The following TAX1BP3 variants were observed in gnomAD, a reference collection of about 807,000 sequenced individuals.
TAX1BP3 encodes Tax1 binding protein 3.
TAX1BP3 carries 13 observed loss-of-function variants against 15.3 expected under a neutral mutation model. That is an observed-to-expected ratio of 0.85 (90% CI 0.55 to 1.35). The LOEUF is 1.35. Among genes scored for constraint, TAX1BP3 ranks in the 40% most tolerant of loss-of-function variants. The pLI is 0.00. For synonymous variants in TAX1BP3, 70 were observed against 66.0 expected (o/e 1.06, Z -0.30); for missense variants, 147 against 169.6 (o/e 0.87, Z 0.74).
At chr17:3,664,413 T>C in intron 2 of TAX1BP3, 141 bp from the exon 3 acceptor site, 2 of 1,100,544 alleles carry the variant, frequency 1.8e-6, no homozygotes, top group Non-Finnish European at 2.7e-6. Flanking sequence ...CAGTGAGGAC[T>C]GTTCTGAGAG....
At chr17:3,664,922 C>A in intron 1 of TAX1BP3, 124 bp from the exon 2 acceptor site, 1 of 1,393,150 alleles carries the variant, frequency 7.2e-7, no homozygotes, top group South Asian at 1.4e-5. Context: ...AGGAATCCAG[C>A]TGCTCACCAG....
At chr17:3,667,253 G>T (rs1257643200) in intron 1 of TAX1BP3, among the ~76,000 whole-genome samples, 2 of 149,958 alleles carry the variant, frequency 1.3e-5, no homozygotes, top group Non-Finnish European at 2.9e-5. Context: ...TGAGGCAGGA[G>T]AATCGCTTGA....
rs890345691 is a variant in TAX1BP3 at position 3,663,551 on chromosome 17, A to C, written c.*197T>G. On this transcript the variant is annotated 3_prime_UTR_variant, in exon 4 of 4. Transcript: ENST00000225525. ...CCCTTATTTCCAATCCTCGGTGTCC[A>C]GGAGAGAAAGCCGGTCCCAGAGGCC... 5.6e-6 allele frequency: 4 copies of C among 720,020 alleles called. No individual in the cohort carries two copies. The highest frequency in any genetic ancestry group is 5.4e-5 in the African/African-American group (3 of 55,708). 44.6% of individuals were successfully genotyped at this position (720,020 alleles called of 1,614,324 possible).
chr17:3,665,482 G>A (rs2076330015), intron 1 of TAX1BP3: 1 of 1,374,858 alleles, frequency 7.3e-7, no homozygotes, highest in East Asian at 2.3e-5. Flanking sequence ...CTTGCCAAGA[G>A]AATTAATGTG....
intron 1 of TAX1BP3, among the ~76,000 whole-genome samples, chr17:3,666,931 G>A (rs1316657212): frequency 6.6e-6 from 1 of 152,200 alleles, no homozygotes; most frequent in Non-Finnish European, 1.5e-5. Flanking sequence ...GGCTGTCACT[G>A]ATTTGCTGGG....
At chr17:3,665,409 G>A (rs2076329280) in intron 1 of TAX1BP3, 1 of 1,462,948 alleles carries the variant, frequency 6.8e-7, no homozygotes, top group East Asian at 2.3e-5. Flanking sequence ...AACTGGAAGA[G>A]TCTACAATGT....
At chr17:3,666,682 G>T (rs1285693134) in intron 1 of TAX1BP3, among the ~76,000 whole-genome samples, 1 of 152,174 alleles carries the variant, frequency 6.6e-6, no homozygotes, top group South Asian at 2.1e-4. Flanking sequence ...CCCAATCCAA[G>T]ACTCGAGGGA....
intron 2 of TAX1BP3, 117 bp from the exon 3 acceptor site, chr17:3,664,389 C>A: frequency 8.1e-7 from 1 of 1,233,244 alleles, no homozygotes; most frequent in Non-Finnish European, 1.2e-6. Context: ...CCAGCCTCTC[C>A]CAGCACATAT....
At position 3,664,523 on chromosome 17, in the gene TAX1BP3, C is replaced by T. The variant is rs755477814; in HGVS notation, c.159+156G>A. 1.9e-5 allele frequency: 22 copies of T among 1,142,472 alleles called. No homozygotes were observed. In the East Asian group the frequency reaches 4.6e-4, roughly 24 times the overall value. 70.8% of individuals were successfully genotyped at this position (1,142,472 alleles called of 1,614,324 possible). A position where few individuals can be genotyped will look rare whatever the true frequency, so the allele number is the denominator to read the frequency against. ...CTGAGCAGCCCTTCCTCACCCCACCCGTCCTTATTCTCACTAGGTCACTTC... is the reference window on the plus strand; with the variant it reads ...CTGAGCAGCCCTTCCTCACCCCACCTGTCCTTATTCTCACTAGGTCACTTC... On this transcript the variant is annotated intron_variant, in intron 2 of 3. Transcript: ENST00000225525.
chr17:3,668,512 C>A lies in TAX1BP3; in HGVS notation c.15G>T (p.Pro5=). 6.2e-7 allele frequency: 1 copy of A among 1,608,990 alleles called. No homozygotes were observed. Among genetic ancestry groups the A allele is most frequent in the Middle Eastern group, 1.7e-4 (1 of 5,988 alleles). The change falls in exon 1 of 4, where the codon CCG becomes CCT. Residue 5 remains proline, a synonymous_variant. Transcript: ENST00000225525. This position sits in a 1 kb window ranked among gnomAD's most constrained non-coding sequence, Gnocchi z 4.1. The part of the protein sequence containing the change: MSYI[P]GQPVTAVVQR... ...CCACCACGGCGGTGACCGGCTGGCC[C>A]GGGATGTAGGACATCTCGACCCTGC... is the stretch of plus-strand genomic sequence containing the variant.
chr17:3,664,848 G>T, intron 1 of TAX1BP3, 50 bp from the exon 2 acceptor site: 1 of 1,590,670 alleles, frequency 6.3e-7, no homozygotes, highest in Non-Finnish European at 8.6e-7. Context: ...GGAGAATTAG[G>T]CTGGTGGGTG....
At chr17:3,664,044 A>G in intron 3 of TAX1BP3, 151 bp downstream of exon 3, 1 of 1,417,444 alleles carries the variant, frequency 7.1e-7, no homozygotes, top group Non-Finnish European at 9.6e-7. Context: ...CAGGAGAGAA[A>G]GCCAGCGTCC....
chr17:3,668,400 C>G lies in TAX1BP3; in HGVS notation c.39+88G>C. On this transcript the variant is annotated intron_variant, in intron 1 of 3. Transcript: ENST00000225525. This position sits in a 1 kb window ranked among gnomAD's most constrained non-coding sequence, Gnocchi z 4.1. ...GTTCGCAGGAGCCCCGGGTTCGATGCTCTGTCAACCTGCTTGGGGTGTCCG... is the reference window on the plus strand; with the variant it reads ...GTTCGCAGGAGCCCCGGGTTCGATGGTCTGTCAACCTGCTTGGGGTGTCCG... The G allele has an allele frequency of 6.6e-7, 1 of 1,506,456 alleles. No individual in the cohort carries two copies. Among genetic ancestry groups the G allele is most frequent in the South Asian group, 1.3e-5 (1 of 79,420 alleles). The allele number at this position is 1,506,456 out of a possible 1,614,324, so 93.3% of individuals were successfully genotyped here.
chr17:3,665,813 G>T (rs1597676416), intron 1 of TAX1BP3: 31 of 627,752 alleles, frequency 4.9e-5, no homozygotes, highest in South Asian at 2.5e-4. Context: ...CGCACAGGGT[G>T]CCGTGGATAC....
Position 3,663,510 on chromosome 17 carries a change from A to G in TAX1BP3, c.*238T>C. On this transcript the variant is annotated 3_prime_UTR_variant, in exon 4 of 4. Coordinates refer to ENST00000225525, the MANE Select transcript of TAX1BP3 (RefSeq NM_014604.4). ...AGCCTGTGGTCACAGCAGACTGGCT[A>G]CTACTCAGCTCCAGGCCCTTATTTC... is the stretch of plus-strand genomic sequence containing the variant. The G allele has an allele frequency of 2.1e-6, 1 of 482,360 alleles. No individual in the cohort carries two copies. The highest frequency in any genetic ancestry group is 3.5e-5 in the East Asian group (1 of 28,762). 29.9% of individuals were successfully genotyped at this position (482,360 alleles called of 1,614,324 possible). A position where few individuals can be genotyped will look rare whatever the true frequency, so the allele number is the denominator to read the frequency against.
At chr17:3,667,332 G>C (rs1057470900) in intron 1 of TAX1BP3, among the ~76,000 whole-genome samples, 1 of 133,874 alleles carries the variant, frequency 7.5e-6, no homozygotes, top group African/African-American at 3.1e-5. Flanking sequence ...GACAGAGCAA[G>C]ACTGTCTCAA....
rs547155693 is a variant in TAX1BP3 at position 3,668,026 on chromosome 17, G to C, written c.39+462C>G. Among the ~76,000 whole-genome samples, 7 of 152,384 alleles carry C rather than the reference G, an allele frequency of 4.6e-5. No homozygotes were observed. Among genetic ancestry groups the C allele is most frequent in the African/African-American group, 1.7e-4 (7 of 41,594 alleles). The stretch of plus-strand genomic sequence containing the variant: ...CAAGGCTGGACAGGAAGGGGGCAGG[G>C]GCTGCCACGGCAGGCTCGGGAGAGC... On this transcript the variant is annotated intron_variant, in intron 1 of 3. Coordinates refer to ENST00000225525, the MANE Select transcript of TAX1BP3 (RefSeq NM_014604.4). This position sits in a 1 kb window ranked among gnomAD's most constrained non-coding sequence, Gnocchi z 4.1.
rs749996940 is a variant in TAX1BP3, at chr17:3,665,186, G to A, written c.40-388C>T. ...AAAGGAGAGGAAGGGGTTTCCTTTC[G>A]GCCGGAACCGCCATCTTCCAGTAAT... On this transcript the variant is annotated intron_variant, in intron 1 of 3. Transcript: ENST00000225525. The A allele has an allele frequency of 4.3e-4, 426 of 981,270 alleles. 1 individual carries two copies. Among genetic ancestry groups the A allele is most frequent in the Non-Finnish European group, 4.2e-4 (258 of 617,184 alleles). The allele number at this position is 981,270 out of a possible 1,614,324, so 60.8% of individuals were successfully genotyped here.
rs766395944 is a variant in TAX1BP3 at position 3,663,744 on chromosome 17, G to C, written c.*4C>G. The stretch of plus-strand genomic sequence containing the variant: ...CAGGCAGGAGTCGCAGATGGTGGTG[G>C]CTGCTAGGACAGCATGGACTGCTGC... On this transcript the variant is annotated 3_prime_UTR_variant, in exon 4 of 4. Coordinates refer to ENST00000225525, the MANE Select transcript of TAX1BP3 (RefSeq NM_014604.4). 1 of 1,594,978 alleles carries C rather than the reference G, an allele frequency of 6.3e-7. No individual in the cohort carries two copies. Among genetic ancestry groups the C allele is most frequent in the Non-Finnish European group, 8.5e-7 (1 of 1,172,258 alleles).
Sources: gnomAD v4.1 joint callset for allele counts (sites outside exome capture counted in the v4.1 genomes callset) on GRCh38, gnomAD v4.1.1 for gene constraint, Gnocchi (gnomAD v3.1) non-coding constraint, MANE v1.5 for transcripts, NCBI Gene and HGNC (gene_info 2026-07-23, HGNC 2026-07-21) for gene names.